The following MPP2 variants were observed in gnomAD, a reference collection of about 807,000 sequenced individuals.
MPP2 encodes MAGUK p55 subfamily member 2.
MPP2 carries 42 observed loss-of-function variants against 58.5 expected under a neutral mutation model. The ratio of observed to expected loss-of-function variants is 0.72; its 90% CI spans 0.56 to 0.93. The LOEUF is 0.93. Among genes scored for constraint, MPP2 ranks in the 40% least tolerant of loss-of-function variants. The pLI is 0.00. For synonymous variants in MPP2, 300 were observed against 307.8 expected (o/e 0.97, Z 0.26); for missense variants, 632 against 760.4 (o/e 0.83, Z 1.99).
At chr17:43,894,282 T>A (rs867348693) in intron 3 of MPP2, among the ~76,000 whole-genome samples, 8 of 151,620 alleles carry the variant, frequency 5.3e-5, no homozygotes, top group African/African-American at 1.9e-4. Context: ...CTGGGCATGG[T>A]AGCGCATGCC....
chr17:43,890,176 T>A (rs772223912), intron 3 of MPP2, among the ~76,000 whole-genome samples: 18 of 152,316 alleles, frequency 1.2e-4, no homozygotes, highest in South Asian at 1.0e-3. Flanking sequence ...GTCTGATTTT[T>A]TTTCACTTAA....
At position 43,880,939 on chromosome 17, in the gene MPP2, G is replaced by A. The variant is rs1012527390; in HGVS notation, c.989-87C>T. The A allele has an allele frequency of 2.6e-6, 4 of 1,542,600 alleles. No homozygotes were observed. The African/African-American group carries it at 5.5e-5, about 21-fold the overall frequency. On this transcript the variant is annotated intron_variant, in intron 9 of 12. Transcript: ENST00000269095. This position sits in a 1 kb window ranked among gnomAD's most constrained non-coding sequence, Gnocchi z 5.2. ...AGGGAGGCTGAGGGCAAGAGGGCTTGGAACAGGGGAGCAGGGGGGAGTCGG... is the reference window on the plus strand; with the variant it reads ...AGGGAGGCTGAGGGCAAGAGGGCTTAGAACAGGGGAGCAGGGGGGAGTCGG...
At chr17:43,898,216 T>TCCCCAAGCACAGTGCCCTTGTGCCC in intron 3 of MPP2, 46 bp downstream of exon 3, 1 of 1,464,388 alleles carries the variant, frequency 6.8e-7, no homozygotes. Flanking sequence ...CTACTGTGCC[T>TCCCCAAGCACAGTGCCCTTGTGCCC]CCCCAAGCAC....
intron 3 of MPP2, among the ~76,000 whole-genome samples, chr17:43,896,221 G>T (rs990366588): frequency 1.3e-5 from 2 of 152,072 alleles, no homozygotes; most frequent in African/African-American, 4.8e-5. Flanking sequence ...CCTGGGGACT[G>T]CCTCAGTCTT....
chr17:43,907,267 A>T (rs911917523), intron 1 of MPP2: 2 of 985,304 alleles, frequency 2.0e-6, no homozygotes, highest in African/African-American at 3.5e-5. Flanking sequence ...GACCAGTGTC[A>T]ATGGGCAGCG....
intron 2 of MPP2, among the ~76,000 whole-genome samples, chr17:43,900,968 C>A (rs1229172678): frequency 6.6e-6 from 1 of 151,996 alleles, no homozygotes; most frequent in African/African-American, 2.4e-5. Context: ...AAAGTCTTGG[C>A]CCATCTTGTC....
chr17:43,889,185 CA>C (rs1485273997), intron 3 of MPP2, among the ~76,000 whole-genome samples: 1 of 152,098 alleles, frequency 6.6e-6, no homozygotes, highest in Non-Finnish European at 1.5e-5. Context: ...CTCGGCCTCC[CA>C]AAGTGCTGGA....
rs2046985303 is a variant in MPP2 at position 43,879,220 on chromosome 17, C to A, written c.1482+55G>T. 5 of 1,570,380 alleles carry A rather than the reference C, an allele frequency of 3.2e-6. 1 individual carries two copies. The highest frequency in any genetic ancestry group is 2.7e-5 in the African/African-American group (2 of 74,068). ...CTTCTCTCTGTCAGCTCAGGCCTGT[C>A]CCCCACCACCCTAGGCAGCTATCAG... On this transcript the variant is annotated intron_variant, in intron 12 of 12. Coordinates refer to ENST00000269095, the MANE Select transcript of MPP2 (RefSeq NM_005374.5). This position sits in a 1 kb window ranked among gnomAD's most constrained non-coding sequence, Gnocchi z 4.1.
At chr17:43,888,346 G>T (rs1306116365) in intron 3 of MPP2, among the ~76,000 whole-genome samples, 1 of 152,220 alleles carries the variant, frequency 6.6e-6, no homozygotes, top group African/African-American at 2.4e-5. Context: ...AGCATTTGGG[G>T]AAAGGAACAA....
At chr17:43,892,857 G>A (rs2047665071) in intron 3 of MPP2, among the ~76,000 whole-genome samples, 1 of 152,192 alleles carries the variant, frequency 6.6e-6, no homozygotes, top group Admixed American at 6.5e-5. Context: ...CCCAGGACTG[G>A]GGCATTGTGG....
chr17:43,881,253 G>T lies in MPP2; in HGVS notation c.910C>A (p.Pro304Thr). 6.2e-7 allele frequency: 1 copy of T among 1,614,044 alleles called. No homozygotes were observed. Among genetic ancestry groups the T allele is most frequent in the South Asian group, 1.1e-5 (1 of 91,078 alleles). ...AFVKRDLELTPNSGTLCGSLS... is the reference protein window; with the variant it reads ...AFVKRDLELTTNSGTLCGSLS... ...AGGGGGGACCTCCTACCTGAGTTTG[G>T]TGTCAGCTCCAGGTCCCTCTTGACA... Residue 304 changes from proline (P) to threonine (T), a missense_variant, in exon 8 of 13, where the codon CCA becomes ACA. By Grantham distance (38) the Pro-to-Thr change is conservative. Coordinates refer to ENST00000269095, the MANE Select transcript of MPP2 (RefSeq NM_005374.5).
At chr17:43,878,374 T>G (rs1189677510) in intron 12 of MPP2, among the ~76,000 whole-genome samples, 1 of 152,172 alleles carries the variant, frequency 6.6e-6, no homozygotes, top group Non-Finnish European at 1.5e-5. Context: ...CCCTCAAGTC[T>G]GACTAGGCTG....
intron 3 of MPP2, among the ~76,000 whole-genome samples, chr17:43,896,383 G>C (rs2047848180): frequency 6.6e-6 from 1 of 151,884 alleles, no homozygotes; most frequent in Non-Finnish European, 1.5e-5. Context: ...GGCATCCCTA[G>C]AACTGTCCTC....
chr17:43,907,575 C>T (rs892781013), upstream of MPP2: 1 of 985,400 alleles, frequency 1.0e-6, no homozygotes, highest in Admixed American at 6.1e-5. Context: ...AGCGGCAAGG[C>T]CTCTCCGCGA....
At chr17:43,888,073 T>C (rs1374187770) in intron 3 of MPP2, among the ~76,000 whole-genome samples, 2 of 152,188 alleles carry the variant, frequency 1.3e-5, no homozygotes, top group African/African-American at 2.4e-5. Context: ...ATAGAAAATT[T>C]GTTTAGCCAT....
chr17:43,888,687 C>T (rs1425573066), intron 3 of MPP2, among the ~76,000 whole-genome samples: 2 of 152,076 alleles, frequency 1.3e-5, no homozygotes, highest in Admixed American at 6.6e-5. Context: ...ACAAGTTTTC[C>T]GAGGAGACGT....
intron 2 of MPP2, among the ~76,000 whole-genome samples, chr17:43,903,500 C>T (rs1361597512): frequency 6.6e-6 from 1 of 151,916 alleles, no homozygotes; most frequent in African/African-American, 2.4e-5. Flanking sequence ...TTGAGACCAG[C>T]ATGGGCAACA....
At chr17:43,893,996 C>T (rs1374380347) in intron 3 of MPP2, among the ~76,000 whole-genome samples, 1 of 151,988 alleles carries the variant, frequency 6.6e-6, no homozygotes, top group Non-Finnish European at 1.5e-5. Flanking sequence ...ACGTAATGGC[C>T]AGGCATGGTG....
At chr17:43,887,630 A>C (rs545905585) in intron 3 of MPP2, among the ~76,000 whole-genome samples, 27 of 152,170 alleles carry the variant, frequency 1.8e-4, no homozygotes, top group South Asian at 1.2e-3. Context: ...GACTATCCAG[A>C]TGTTCCAATA....
Sources: allele counts gnomAD v4.1 joint callset (sites outside exome capture counted in the v4.1 genomes callset), GRCh38; gene constraint gnomAD v4.1.1; non-coding constraint Gnocchi (gnomAD v3.1); transcripts MANE v1.5; gene names NCBI Gene and HGNC (gene_info 2026-07-23, HGNC 2026-07-21).